SRD5A2: variants seen among roughly 807,000 people sequenced by gnomAD.
SRD5A2 encodes steroid 5 alpha-reductase 2.
A neutral mutation model predicts 27.4 loss-of-function variants in SRD5A2; 30 were observed. The ratio of observed to expected loss-of-function variants is 1.10; its 90% CI spans 0.82 to 1.49. The LOEUF (loss-of-function observed/expected upper bound fraction) is 1.49, where lower values mean the gene tolerates loss of function less well. Ranked by LOEUF, SRD5A2 falls within the 40% of genes most tolerant of loss-of-function variation. SRD5A2 has a pLI of 0.00. For synonymous variants in SRD5A2, 141 were observed against 133.6 expected, an observed-to-expected ratio of 1.06 and a Z score of -0.38; for missense variants, 348 against 323.4, an observed-to-expected ratio of 1.08 and a Z score of -0.58.
chr2:31,573,988 G>GC (rs1437387979), intron 1 of SRD5A2, among the ~76,000 whole-genome samples: 1 of 152,148 alleles, frequency 6.6e-6, no homozygotes, highest in Non-Finnish European at 1.5e-5. Context: ...CCATTTTGAG[G>GC]CCCCCTCAAC....
At chr2:31,635,462 T>C in the SRD5A2 span, among the ~76,000 whole-genome samples, 44 of 152,252 alleles carry the variant, frequency 2.9e-4, no homozygotes, top group African/African-American at 9.9e-4. Flanking sequence ...CCTTGGCAGA[T>C]GGATAGTTGC....
the SRD5A2 span, among the ~76,000 whole-genome samples, chr2:31,652,334 T>C: frequency 1.3e-5 from 2 of 152,202 alleles, no homozygotes; most frequent in Non-Finnish European, 2.9e-5. Context: ...AATAGGCAGA[T>C]TTTTAACTTG....
chr2:31,545,398 T>C (rs184696327), intron 1 of SRD5A2, among the ~76,000 whole-genome samples: 126 of 152,230 alleles, frequency 8.3e-4, no homozygotes, highest in African/African-American at 2.9e-3. Context: ...TAAGACTTAA[T>C]TCTAGAATGC....
At chr2:31,661,662 A>G in the SRD5A2 span, among the ~76,000 whole-genome samples, 1 of 152,118 alleles carries the variant, frequency 6.6e-6, no homozygotes, top group Admixed American at 6.5e-5. Context: ...TTTTCCGTAT[A>G]TTTACCCTGT....
the SRD5A2 span, among the ~76,000 whole-genome samples, chr2:31,646,459 A>G: frequency 1.3e-5 from 2 of 152,108 alleles, no homozygotes; most frequent in Non-Finnish European, 1.5e-5. Context: ...TTCAGGAAAA[A>G]TGAAGGAGGA....
At chr2:31,575,990 G>C (rs1488754143) in intron 1 of SRD5A2, among the ~76,000 whole-genome samples, 1 of 152,126 alleles carries the variant, frequency 6.6e-6, no homozygotes, top group Non-Finnish European at 1.5e-5. Context: ...GTCAACAAGA[G>C]GTGAGATGGA....
chr2:31,637,302 G>A, the SRD5A2 span, among the ~76,000 whole-genome samples: 1 of 151,950 alleles, frequency 6.6e-6, no homozygotes, highest in African/African-American at 2.4e-5. Flanking sequence ...GTACTTCTGA[G>A]GTCTCATTTG....
chr2:31,615,061 C>T, the SRD5A2 span, among the ~76,000 whole-genome samples: 2 of 152,078 alleles, frequency 1.3e-5, no homozygotes, highest in African/African-American at 4.8e-5. Flanking sequence ...GATTGTAAGG[C>T]CTCCCCAGCC....
chr2:31,651,195 C>CTTAA, the SRD5A2 span, among the ~76,000 whole-genome samples: 3 of 152,090 alleles, frequency 2.0e-5, no homozygotes, highest in Admixed American at 2.0e-4. Flanking sequence ...AAGCATAAAA[C>CTTAA]TTAATAGTAG....
At chr2:31,572,492 A>T (rs1434552871) in intron 1 of SRD5A2, among the ~76,000 whole-genome samples, 1 of 152,234 alleles carries the variant, frequency 6.6e-6, no homozygotes, top group African/African-American at 2.4e-5. Context: ...AAGAGAATAA[A>T]AGAGACAAGT....
At position 31,529,313 on chromosome 2, in the gene SRD5A2, T is replaced by C. The variant is rs121434251; in HGVS notation, c.692A>G (p.His231Arg). 2.9e-4 allele frequency: 460 copies of C among 1,613,614 alleles called. No individual in the cohort carries two copies. The highest frequency in any genetic ancestry group is 3.8e-4 in the Non-Finnish European group (445 of 1,179,778). ...CTTTTATTGAAAAATTTACCTATGGTGGTGAAAAGCTCGCAGCCCAAGGAA... is the reference window on the plus strand; with the variant it reads ...CTTTTATTGAAAAATTTACCTATGGCGGTGAAAAGCTCGCAGCCCAAGGAA... The part of the protein sequence containing the change: ...LCFLGLRAFH[H>R]HRFYLKMFED... Residue 231 changes from histidine to arginine, a missense_variant, in exon 4 of 5, where the codon CAC becomes CGC. Transcript: ENST00000622030.
chr2:31,598,439 C>T, the SRD5A2 span, among the ~76,000 whole-genome samples: 1 of 151,178 alleles, frequency 6.6e-6, no homozygotes, highest in Admixed American at 6.6e-5. Context: ...TTTCCCAAAA[C>T]TATAGAAATA....
chr2:31,579,031 T>C (rs1667015376), intron 1 of SRD5A2, among the ~76,000 whole-genome samples: 1 of 152,230 alleles, frequency 6.6e-6, no homozygotes, highest in African/African-American at 2.4e-5. Flanking sequence ...AAAACTAATC[T>C]CTTATCTCCT....
At chr2:31,582,147 G>C (rs1195711571), upstream of SRD5A2, among the ~76,000 whole-genome samples, 1 of 151,900 alleles carries the variant, frequency 6.6e-6, no homozygotes, top group African/African-American at 2.4e-5. Context: ...CCCTACTTGG[G>C]GCTCCACCCC....
the SRD5A2 span, among the ~76,000 whole-genome samples, chr2:31,603,845 A>G: frequency 1.1e-4 from 17 of 152,110 alleles, no homozygotes; most frequent in East Asian, 3.3e-3. Flanking sequence ...CTGAATGATA[A>G]GAACACATGG....
chr2:31,632,572 T>C, the SRD5A2 span, among the ~76,000 whole-genome samples: 1 of 152,084 alleles, frequency 6.6e-6, no homozygotes, highest in African/African-American at 2.4e-5. Context: ...GCTTGAGCGT[T>C]GGGGGCCAGA....
At chr2:31,536,205 A>T (rs528799714) in intron 1 of SRD5A2, among the ~76,000 whole-genome samples, 2 of 152,378 alleles carry the variant, frequency 1.3e-5, no homozygotes, top group African/African-American at 2.4e-5. Context: ...ATTTTTTAAA[A>T]AGTTGTATTT....
chr2:31,554,169 T>C (rs187301639), intron 1 of SRD5A2, among the ~76,000 whole-genome samples: 23 of 152,182 alleles, frequency 1.5e-4, no homozygotes, highest in African/African-American at 5.3e-4. Flanking sequence ...ATAACATCTG[T>C]TGTGAGTACA....
chr2:31,535,628 C>A (rs1394020527), intron 1 of SRD5A2, among the ~76,000 whole-genome samples: 1 of 152,214 alleles, frequency 6.6e-6, no homozygotes, highest in African/African-American at 2.4e-5. Flanking sequence ...CTCTCCCCTT[C>A]ACACCTGGAC....
Sources: allele counts gnomAD v4.1 joint callset (sites outside exome capture counted in the v4.1 genomes callset), GRCh38; gene constraint gnomAD v4.1.1; transcripts MANE v1.5; gene names NCBI Gene and HGNC (gene_info 2026-07-23, HGNC 2026-07-21).